ABCC9: variants seen among roughly 807,000 people sequenced by gnomAD.
ABCC9 encodes ATP-binding cassette sub-family C member 9.
A neutral mutation model predicts 188.3 loss-of-function variants in ABCC9; 95 were observed. The observed-to-expected ratio is 0.50, with a 90% CI of 0.43 to 0.60. The LOEUF is 0.60. ABCC9 is among the 20% of genes least tolerant of loss of function. ABCC9 has a pLI of 0.00. For missense variants in ABCC9, 1,102 were observed against 1,876.3 expected, an observed-to-expected ratio of 0.59 and a Z score of 7.62; for synonymous variants, 659 against 652.7, an observed-to-expected ratio of 1.01 and a Z score of -0.15.
Position 21,848,225 on chromosome 12 carries a change from T to A in ABCC9, c.2791A>T (p.Thr931Ser). 1 of 1,613,502 alleles carries A rather than the reference T, an allele frequency of 6.2e-7. No individual in the cohort carries two copies. ...LEKDMEADQT[T>S]LERKTLRRAM... is the part of the protein sequence containing the mutation. ...CGTCGGAGAGTTTTCCTCTCTAAAG[T>A]AGTTTGGTCAGCTTCCATATCCTGC... is the stretch of plus-strand genomic sequence containing the variant. Residue 931 changes from threonine (T) to serine (S), a missense_variant, in exon 25 of 40, where the codon ACT (threonine) becomes TCT (serine). Around this residue, in one of 12 missense-constraint regions of ABCC9, gnomAD observed 131 missense variants for 170.2 expected, o/e 0.77. Transcript: ENST00000261200.
intron 5 of ABCC9, among the ~76,000 whole-genome samples, chr12:21,920,393 G>A (rs1057013708): frequency 4.6e-5 from 7 of 152,100 alleles, no homozygotes; most frequent in Non-Finnish European, 8.8e-5. Context: ...TTCTAAGGCT[G>A]CAAGATACAA....
chr12:21,889,334 T>G (rs936794467), intron 14 of ABCC9, among the ~76,000 whole-genome samples: 2 of 129,574 alleles, frequency 1.5e-5, no homozygotes, highest in Non-Finnish European at 3.7e-5. Flanking sequence ...ATAAATGCGT[T>G]ATGAAACATT....
intron 29 of ABCC9, among the ~76,000 whole-genome samples, chr12:21,838,449 G>C (rs1453187475): frequency 6.6e-6 from 1 of 152,154 alleles, no homozygotes; most frequent in Non-Finnish European, 1.5e-5. Flanking sequence ...GGATTCAGTG[G>C]AATGAGCACT....
At position 21,916,750 on chromosome 12, in the gene ABCC9, A is replaced by G. The variant is rs190633551; in HGVS notation, c.573+187T>C. Among the ~76,000 whole-genome samples the G allele has an allele frequency of 4.1e-3, 627 of 152,354 alleles. 5 individuals carry two copies. Among genetic ancestry groups the G allele is most frequent in the African/African-American group, 0.014 (565 of 41,586 alleles). ...ATTTGTGAATGAATAAATAGTTTCTAGGGTCACACTGAGATTTCTGAAACA... is the reference window on the plus strand; with the variant it reads ...ATTTGTGAATGAATAAATAGTTTCTGGGGTCACACTGAGATTTCTGAAACA... On this transcript the variant is annotated intron_variant, in intron 6 of 39. Transcript: ENST00000261200.
chr12:21,872,677 G>A lies in ABCC9; in HGVS notation c.2146C>T (p.Leu716Phe). 1 of 1,613,802 alleles carries A rather than the reference G, an allele frequency of 6.2e-7. No individual in the cohort carries two copies. Among genetic ancestry groups the A allele is most frequent in the Non-Finnish European group, 8.5e-7 (1 of 1,179,790 alleles). Residue 716 changes from leucine to phenylalanine, a missense_variant, in exon 18 of 40, where the codon CTT becomes TTT. By Grantham distance (22) the Leu-to-Phe change is conservative. This residue lies in a region of ABCC9 where 258 missense variants were observed against 325.6 expected (regional missense o/e 0.79). Transcript: ENST00000261200. Reference protein sequence around the residue: ...QVGCGKSSLLLAILGEMQTLE... With the variant: ...QVGCGKSSLLFAILGEMQTLE... Reference sequence around the variant, plus strand: ...GTCTGCATCTCACCGAGGATGGCAAGGAGAAGAGAGGACTTCCCACATCCT... The same window carrying A: ...GTCTGCATCTCACCGAGGATGGCAAAGAGAAGAGAGGACTTCCCACATCCT...
rs181334093 is a variant in ABCC9, at chr12:21,928,802, T to C, written c.285-2739A>G. On this transcript the variant is annotated intron_variant, in intron 4 of 39. Coordinates refer to ENST00000261200, the MANE Select transcript of ABCC9 (RefSeq NM_020297.4). ...AACCATGCTAGTATTTTTATAGGAT[T>C]GCTGTTATTTTGTTAGTTCTCTATT... Among the ~76,000 whole-genome samples the C allele has an allele frequency of 3.3e-4, 50 of 152,318 alleles. 1 individual carries two copies. The East Asian group carries it at 7.9e-3, about 24-fold the overall frequency.
At chr12:21,877,237 C>A (rs1946405639) in intron 16 of ABCC9, among the ~76,000 whole-genome samples, 1 of 152,048 alleles carries the variant, frequency 6.6e-6, no homozygotes, top group Non-Finnish European at 1.5e-5. Flanking sequence ...GGCTCAGTAC[C>A]AAAGAGAGGG....
chr12:21,841,430 C>T (rs1414284650), intron 29 of ABCC9, among the ~76,000 whole-genome samples: 2 of 145,246 alleles, frequency 1.4e-5, no homozygotes, highest in Non-Finnish European at 3.0e-5. Flanking sequence ...GTGATCTCAG[C>T]TCACTGCAAG....
intron 28 of ABCC9, 97 bp downstream of exon 28, chr12:21,844,386 C>T (rs1485016737): frequency 2.0e-6 from 2 of 1,018,776 alleles, no homozygotes; most frequent in African/African-American, 3.2e-5. Context: ...TTTCAGAAAT[C>T]CTCTATTGTT....
intron 24 of ABCC9, among the ~76,000 whole-genome samples, chr12:21,848,948 TC>T (rs1944823700): frequency 6.6e-6 from 1 of 152,162 alleles, no homozygotes; most frequent in African/African-American, 2.4e-5. Context: ...AAGGGTAGAA[TC>T]ATTTCATTTT....
intron 18 of ABCC9, among the ~76,000 whole-genome samples, chr12:21,870,626 T>G (rs369802539): frequency 6.6e-6 from 1 of 152,178 alleles, no homozygotes; most frequent in East Asian, 1.9e-4. Context: ...GTTTTTTTCC[T>G]CACGTTTCCT....
At chr12:21,821,299 T>C (rs1663819796) in intron 31 of ABCC9, among the ~76,000 whole-genome samples, 1 of 152,170 alleles carries the variant, frequency 6.6e-6, no homozygotes, top group Non-Finnish European at 1.5e-5. Context: ...AGAACTGTAA[T>C]ATGACTGTCT....
chr12:21,919,159 C>T lies in ABCC9; in HGVS notation c.407-2056G>A, dbSNP rs550999110. 7.9e-5 allele frequency among the ~76,000 whole-genome samples: 12 copies of T among 151,126 alleles called. No individual in the cohort carries two copies. In the South Asian group the frequency reaches 2.1e-3, roughly 26 times the overall value. Reference sequence around the variant, plus strand: ...CTCAGGAAAGAATAAAAAAGGATCCCCCAAAAAAGATGAAAACAATAGAGA... The same window carrying T: ...CTCAGGAAAGAATAAAAAAGGATCCTCCAAAAAAGATGAAAACAATAGAGA... On this transcript the variant is annotated intron_variant, in intron 5 of 39. Transcript: ENST00000261200.
At chr12:21,829,479 G>A (rs899676443) in intron 30 of ABCC9, among the ~76,000 whole-genome samples, 2 of 152,160 alleles carry the variant, frequency 1.3e-5, no homozygotes, top group Admixed American at 1.3e-4. Flanking sequence ...GGGATTACAG[G>A]CGTGTGCCAC....
At chr12:21,920,783 A>AT (rs970610417) in intron 5 of ABCC9, among the ~76,000 whole-genome samples, 38 of 151,710 alleles carry the variant, frequency 2.5e-4, no homozygotes, top group Middle Eastern at 3.4e-3. Context: ...AATTGTTTTT[A>AT]TTTTTTTGCT....
intron 8 of ABCC9, 108 bp downstream of exon 8, chr12:21,912,764 T>TTA: frequency 1.7e-6 from 1 of 602,928 alleles, no homozygotes; most frequent in Non-Finnish European, 2.6e-6. Flanking sequence ...TTCAATTCTC[T>TTA]GAAAAAAAGC....
chr12:21,884,337 T>C (rs898862684), intron 15 of ABCC9, among the ~76,000 whole-genome samples: 9 of 152,168 alleles, frequency 5.9e-5, no homozygotes, highest in African/African-American at 1.7e-4. Context: ...CTTCCCGAAG[T>C]GCTGGGACTA....
intron 18 of ABCC9, among the ~76,000 whole-genome samples, chr12:21,871,240 G>T (rs1160466324): frequency 6.6e-6 from 1 of 152,134 alleles, no homozygotes; most frequent in East Asian, 1.9e-4. Context: ...AGTGCCTGAG[G>T]TTAGTGACTG....
intron 3 of ABCC9, among the ~76,000 whole-genome samples, chr12:21,934,998 T>G (rs1326972502): frequency 6.6e-6 from 1 of 152,108 alleles, no homozygotes. Context: ...TGATAGTTTT[T>G]AAGATTGATT....
Sources: gnomAD v4.1 joint callset for allele counts (sites outside exome capture counted in the v4.1 genomes callset) on GRCh38, gnomAD v4.1.1 for gene constraint, gnomAD v4.1.1 regional missense constraint, MANE v1.5 for transcripts, NCBI Gene and HGNC (gene_info 2026-07-23, HGNC 2026-07-21) for gene names.